The following NXPE2 variants were observed in gnomAD, a reference collection of about 807,000 sequenced individuals.
NXPE2 encodes the protein neurexophilin and PC-esterase domain family member 2.
A neutral mutation model predicts 34.4 loss-of-function variants in NXPE2; 34 were observed. The ratio of observed to expected loss-of-function variants is 0.99; its 90% CI spans 0.75 to 1.31. NXPE2 has a LOEUF of 1.31. NXPE2 is among the 40% of genes most tolerant of loss of function. NXPE2 has a pLI of 0.00. For synonymous variants in NXPE2, 235 were observed against 231.3 expected (o/e 1.02, Z -0.15); for missense variants, 649 against 672.5 (o/e 0.97, Z 0.39).
the NXPE2 span, among the ~76,000 whole-genome samples, chr11:114,792,568 A>G: frequency 5.3e-5 from 8 of 152,154 alleles, no homozygotes; most frequent in African/African-American, 1.9e-4. Context: ...TGATCACTGT[A>G]ATCCTCAAGG....
At chr11:114,586,878 G>A in the NXPE2 span, among the ~76,000 whole-genome samples, 2 of 152,102 alleles carry the variant, frequency 1.3e-5, no homozygotes, top group South Asian at 2.1e-4. Context: ...GGCAAGATAA[G>A]GAAATGCCAT....
At chr11:114,538,959 A>G in the NXPE2 span, among the ~76,000 whole-genome samples, 1 of 152,112 alleles carries the variant, frequency 6.6e-6, no homozygotes, top group Non-Finnish European at 1.5e-5. Context: ...ATTATAAATC[A>G]TGCTGCTATA....
downstream of NXPE2, among the ~76,000 whole-genome samples, chr11:114,711,459 T>C (rs1160209256): frequency 6.6e-6 from 1 of 152,104 alleles, no homozygotes; most frequent in Non-Finnish European, 1.5e-5. Context: ...CAAAAATCAG[T>C]TGCATTTCTA....
At chr11:114,688,235 G>A (rs139825433) in intron 2 of NXPE2, among the ~76,000 whole-genome samples, 34 of 152,096 alleles carry the variant, frequency 2.2e-4, no homozygotes, top group African/African-American at 6.3e-4. Context: ...ATAGATAGCC[G>A]TGATTATTTT....
In NXPE2 at chr11:114,706,950, C is replaced by A; in HGVS notation, c.*20C>A. 1 of 1,515,218 alleles carries A rather than the reference C, an allele frequency of 6.6e-7. No homozygotes were observed. Among genetic ancestry groups the A allele is most frequent in the South Asian group, 1.3e-5 (1 of 79,532 alleles). 93.9% of individuals were successfully genotyped at this position (1,515,218 alleles called of 1,614,324 possible). A position where few individuals can be genotyped will look rare whatever the true frequency, so the allele number is the denominator to read the frequency against. On this transcript the variant is annotated 3_prime_UTR_variant, in exon 6 of 6. Transcript: ENST00000389586. Reference sequence around the variant, plus strand: ...TGTTAGAGGAAAAATACAAAAATAGCACTAGCCACTTTCTATAGATGATCT... The same window carrying A: ...TGTTAGAGGAAAAATACAAAAATAGAACTAGCCACTTTCTATAGATGATCT...
At chr11:114,490,972 C>A in the NXPE2 span, among the ~76,000 whole-genome samples, 1 of 150,626 alleles carries the variant, frequency 6.6e-6, no homozygotes, top group Non-Finnish European at 1.5e-5. Flanking sequence ...ACCATCCTGG[C>A]TAACAAGGTG....
chr11:114,737,426 G>T, the NXPE2 span, among the ~76,000 whole-genome samples: 1 of 152,030 alleles, frequency 6.6e-6, no homozygotes, highest in Admixed American at 6.5e-5. Context: ...TTGCAGCAAA[G>T]ATTAAAATTA....
chr11:114,632,462 C>A, the NXPE2 span, among the ~76,000 whole-genome samples: 1 of 124,816 alleles, frequency 8.0e-6, no homozygotes, highest in Non-Finnish European at 1.6e-5. Flanking sequence ...AAGAGTTATA[C>A]ATTATATATA....
At chr11:114,803,793 T>C in the NXPE2 span, among the ~76,000 whole-genome samples, 1 of 152,058 alleles carries the variant, frequency 6.6e-6, no homozygotes, top group Non-Finnish European at 1.5e-5. Flanking sequence ...TTGGCCAGGA[T>C]GGTCTCAAAC....
At chr11:114,752,413 A>T in the NXPE2 span, among the ~76,000 whole-genome samples, 1 of 152,258 alleles carries the variant, frequency 6.6e-6, no homozygotes, top group Non-Finnish European at 1.5e-5. Flanking sequence ...AAAGCCACCT[A>T]AATTGCCTTA....
the NXPE2 span, among the ~76,000 whole-genome samples, chr11:114,639,649 A>G: frequency 6.9e-6 from 1 of 143,922 alleles, no homozygotes. Flanking sequence ...TAATTTATTT[A>G]TATATAATTT....
At chr11:114,687,197 T>A (rs1196223110) in intron 2 of NXPE2, among the ~76,000 whole-genome samples, 2 of 152,144 alleles carry the variant, frequency 1.3e-5, no homozygotes, top group African/African-American at 4.8e-5. Flanking sequence ...TGGGCCAATG[T>A]CTAGAAGAGT....
chr11:114,625,618 C>T, the NXPE2 span, among the ~76,000 whole-genome samples: 4 of 152,156 alleles, frequency 2.6e-5, no homozygotes, highest in South Asian at 2.1e-4. Flanking sequence ...AATATTGCCT[C>T]GTGGGTAACT....
chr11:114,582,239 C>T, the NXPE2 span: 1 of 1,521,368 alleles, frequency 6.6e-7, no homozygotes, highest in African/African-American at 1.4e-5. Flanking sequence ...AGTATATAGG[C>T]CAAATCACAA....
At position 114,705,897 on chromosome 11, in the gene NXPE2, A is replaced by G. The variant is rs753459824; in HGVS notation, c.1045A>G (p.Thr349Ala). 2 of 1,543,550 alleles carry G rather than the reference A, an allele frequency of 1.3e-6. No homozygotes were observed. The highest frequency in any genetic ancestry group is 1.2e-5 in the South Asian group (1 of 82,600). ...TTGTAAACAGATCAAGTTCAATGAAACAAAAAATATAAATGACTGCTTGGA... is the reference window on the plus strand; with the variant it reads ...TTGTAAACAGATCAAGTTCAATGAAGCAAAAAATATAAATGACTGCTTGGA... ...AFCKQIKFNE[T>A]KNINDCLERK... Residue 349 changes from threonine to alanine, a missense_variant, in exon 5 of 6, where the codon ACA becomes GCA. By Grantham distance (58) the Thr-to-Ala change is moderately conservative. Transcript: ENST00000389586.
the NXPE2 span, among the ~76,000 whole-genome samples, chr11:114,512,274 T>C: frequency 6.6e-6 from 1 of 152,196 alleles, no homozygotes; most frequent in Non-Finnish European, 1.5e-5. Flanking sequence ...AGATTTTCCA[T>C]GATCCAGCTG....
At chr11:114,615,690 G>T in the NXPE2 span, among the ~76,000 whole-genome samples, 1 of 151,540 alleles carries the variant, frequency 6.6e-6, no homozygotes, top group African/African-American at 2.4e-5. Flanking sequence ...TTGCCTCTAG[G>T]GTAACCACTG....
At chr11:114,550,871 C>T in the NXPE2 span, among the ~76,000 whole-genome samples, 61 of 152,092 alleles carry the variant, frequency 4.0e-4, no homozygotes, top group African/African-American at 1.3e-3. Flanking sequence ...ATTTTGGGAG[C>T]GTGTGCAAGG....
chr11:114,633,650 T>G, the NXPE2 span, among the ~76,000 whole-genome samples: 13,715 of 150,292 alleles, frequency 0.091, 790 homozygotes, highest in Middle Eastern at 0.2. Context: ...GAGTGTGATG[T>G]TCCCCTTCCT....
Sources: gnomAD v4.1 joint callset for allele counts (sites outside exome capture counted in the v4.1 genomes callset) on GRCh38, gnomAD v4.1.1 for gene constraint, MANE v1.5 for transcripts, NCBI Gene and HGNC (gene_info 2026-07-23, HGNC 2026-07-21) for gene names.